Variants in RBFOX1 observed in about 807,000 individuals in gnomAD.
RBFOX1 encodes RNA binding fox-1 homolog 1, also known as RNA binding protein fox-1 homolog 1.
Under a neutral mutation model 57.7 loss-of-function variants are expected in RBFOX1, and 8 were observed. The ratio of observed to expected loss-of-function variants is 0.14; its 90% confidence interval spans 0.08 to 0.25. RBFOX1 has a LOEUF of 0.25. Among genes scored for constraint, RBFOX1 ranks in the 10% least tolerant of loss-of-function variants. The pLI is 1.00. For missense variants in RBFOX1, 611 were observed against 548.5 expected, an observed-to-expected ratio of 1.11 and a Z score of -1.14; for synonymous variants, 326 against 222.4, an observed-to-expected ratio of 1.47 and a Z score of -4.15.
intron 4 of RBFOX1, among the ~76,000 whole-genome samples, chr16:5,894,865 C>T (rs748257253): frequency 4.0e-5 from 6 of 149,874 alleles, no homozygotes; most frequent in Non-Finnish European, 7.4e-5. Flanking sequence ...ACTAAAAATA[C>T]AAAAATATTA....
At chr16:5,313,510 A>T (rs2064147520) in intron 1 of RBFOX1, among the ~76,000 whole-genome samples, 1 of 152,148 alleles carries the variant, frequency 6.6e-6, no homozygotes, top group Non-Finnish European at 1.5e-5. Context: ...AGACTGTATT[A>T]GTCCATATTC....
At chr16:7,264,425 A>G (rs965426151) in intron 4 of RBFOX1, among the ~76,000 whole-genome samples, 2 of 152,230 alleles carry the variant, frequency 1.3e-5, no homozygotes, top group African/African-American at 2.4e-5. Context: ...GATGGCTCAC[A>G]GTAGTCCAGT....
chr16:6,853,127 G>T (rs984711456), intron 3 of RBFOX1, among the ~76,000 whole-genome samples: 1 of 152,088 alleles, frequency 6.6e-6, no homozygotes, highest in Non-Finnish European at 1.5e-5. Context: ...ATGATTGTGC[G>T]AACTTGGGAA....
intron 14 of RBFOX1, among the ~76,000 whole-genome samples, chr16:7,686,752 AAC>A: frequency 6.6e-6 from 1 of 152,244 alleles, no homozygotes; most frequent in Non-Finnish European, 1.5e-5. Flanking sequence ...GCTTATATGC[AAC>A]AAAGCATGGT....
intron 3 of RBFOX1, among the ~76,000 whole-genome samples, chr16:6,911,516 C>A (rs8059101): frequency 6.6e-6 from 1 of 151,874 alleles, no homozygotes; most frequent in Admixed American, 6.6e-5. Flanking sequence ...GTCTGTCTCC[C>A]TGTCCAAATT....
chr16:6,044,671 T>A (rs931386903), intron 1 of RBFOX1, among the ~76,000 whole-genome samples: 1 of 152,132 alleles, frequency 6.6e-6, no homozygotes, highest in Non-Finnish European at 1.5e-5. Flanking sequence ...TATTTTTTAT[T>A]TTTTGATTGT....
intron 3 of RBFOX1, among the ~76,000 whole-genome samples, chr16:6,816,189 T>C (rs1198559440): frequency 6.6e-6 from 1 of 152,134 alleles, no homozygotes; most frequent in African/African-American, 2.4e-5. Flanking sequence ...TGCTCACTTG[T>C]AATCCCAGCT....
chr16:5,576,145 G>A (rs1288599402), intron 2 of RBFOX1, among the ~76,000 whole-genome samples: 4 of 151,994 alleles, frequency 2.6e-5, no homozygotes, highest in African/African-American at 7.3e-5. Flanking sequence ...CACCATATCC[G>A]GCTAATGTTT....
chr16:5,564,807 C>G (rs557418836), intron 2 of RBFOX1, among the ~76,000 whole-genome samples: 2 of 152,124 alleles, frequency 1.3e-5, no homozygotes, highest in Non-Finnish European at 2.9e-5. Context: ...CCAGTTTTCA[C>G]GGTTCTCCAG....
intron 4 of RBFOX1, among the ~76,000 whole-genome samples, chr16:5,998,604 G>C (rs1456144965): frequency 6.6e-6 from 1 of 152,190 alleles, no homozygotes; most frequent in Non-Finnish European, 1.5e-5. Context: ...ACTGAAGCAA[G>C]GTTGTGTGAG....
intron 2 of RBFOX1, among the ~76,000 whole-genome samples, chr16:5,582,163 C>T (rs998045234): frequency 6.6e-6 from 1 of 152,190 alleles, no homozygotes; most frequent in Non-Finnish European, 1.5e-5. Context: ...TTACTCTCGC[C>T]CCGGGAGTAC....
At chr16:5,796,380 C>A (rs182620304) in intron 3 of RBFOX1, among the ~76,000 whole-genome samples, 1 of 152,170 alleles carries the variant, frequency 6.6e-6, no homozygotes, top group Non-Finnish European at 1.5e-5. Context: ...GGATCTGGAC[C>A]AAATATATCC....
chr16:7,001,410 A>T (rs796735561), intron 3 of RBFOX1, among the ~76,000 whole-genome samples: 9,393 of 110,830 alleles, frequency 0.085, 1,133 homozygotes, highest in African/African-American at 0.32. Context: ...GTATATGTAT[A>T]TGTATATGTA....
intron 4 of RBFOX1, among the ~76,000 whole-genome samples, chr16:5,907,738 TC>T (rs2058496323): frequency 6.7e-6 from 1 of 149,282 alleles, no homozygotes; most frequent in African/African-American, 2.6e-5. Flanking sequence ...ATCATCATCA[TC>T]ATCATCATCA....
chr16:6,848,898 A>G (rs1367636824), intron 3 of RBFOX1, among the ~76,000 whole-genome samples: 1 of 152,138 alleles, frequency 6.6e-6, no homozygotes, highest in African/African-American at 2.4e-5. Context: ...ACAGAAAACG[A>G]TAGTGTTGCA....
chr16:7,420,221 AGT>A (rs1215430021), intron 4 of RBFOX1, among the ~76,000 whole-genome samples: 1 of 152,122 alleles, frequency 6.6e-6, no homozygotes, highest in Non-Finnish European at 1.5e-5. Flanking sequence ...TATTCCGTAG[AGT>A]GTGGAAATTC....
At chr16:6,976,927 TTATA>T (rs201232190) in intron 3 of RBFOX1, among the ~76,000 whole-genome samples, 5,335 of 142,794 alleles carry the variant, frequency 0.037, 345 homozygotes, top group African/African-American at 0.13. Flanking sequence ...ATATTGTATA[TTATA>T]TATATCATAT....
At chr16:5,917,180 T>A (rs1447570571) in intron 4 of RBFOX1, among the ~76,000 whole-genome samples, 1 of 152,078 alleles carries the variant, frequency 6.6e-6, no homozygotes, top group African/African-American at 2.4e-5. Context: ...TGCCAGGCTG[T>A]TTTTCACTCC....
intron 4 of RBFOX1, among the ~76,000 whole-genome samples, chr16:7,256,489 C>G (rs1020948069): frequency 1.3e-5 from 2 of 152,046 alleles, no homozygotes; most frequent in Admixed American, 6.6e-5. Context: ...CTTTTTAGAC[C>G]TTTTTTCCCT....
Sources: allele counts gnomAD v4.1 joint callset (sites outside exome capture counted in the v4.1 genomes callset), GRCh38; gene constraint gnomAD v4.1.1; transcripts MANE v1.5; gene names NCBI Gene and HGNC (gene_info 2026-07-23, HGNC 2026-07-21).